INTU: variants seen among roughly 807,000 people sequenced by gnomAD.
INTU encodes the protein inturned planar cell polarity protein.
A neutral mutation model predicts 100.5 loss-of-function variants in INTU; 68 were observed. The observed-to-expected ratio is 0.68, with a 90% CI of 0.56 to 0.83. The LOEUF is 0.83. INTU is among the 40% of genes least tolerant of loss of function. The pLI, the probability that INTU is intolerant of heterozygous loss-of-function variation, is 0.00. For missense variants in INTU, 1,071 were observed against 1,114.7 expected (o/e 0.96, Z 0.56); for synonymous variants, 357 against 395.7 (o/e 0.90, Z 1.16).
At chr4:127,637,873 T>C (rs1018158341) in intron 1 of INTU, among the ~76,000 whole-genome samples, 3 of 152,210 alleles carry the variant, frequency 2.0e-5, no homozygotes, top group Non-Finnish European at 4.4e-5. Flanking sequence ...GTGTTCCTGA[T>C]GTAGAAATGT....
rs773905455 is a variant in INTU, at chr4:127,718,596, T to C, written c.*2160T>C. On this transcript the variant is annotated 3_prime_UTR_variant, in exon 16 of 16. Coordinates refer to ENST00000335251, the MANE Select transcript of INTU (RefSeq NM_015693.4). ...GGGCAGTATGGCTATTTTCATGATA[T>C]TGATTCTTACTGTCTGTGAGCATGG... 3.3e-5 allele frequency: 5 copies of C among 152,222 alleles called. No homozygotes were observed. The highest frequency in any genetic ancestry group is 6.5e-5 in the Admixed American group (1 of 15,276). 9.4% of individuals were successfully genotyped at this position (152,222 alleles called of 1,614,324 possible).
In INTU at chr4:127,720,553, G is replaced by A. The variant is rs1451594938; in HGVS notation, c.*4117G>A. 2 of 151,864 alleles carry A rather than the reference G, an allele frequency of 1.3e-5. No individual in the cohort carries two copies. Among genetic ancestry groups the A allele is most frequent in the Non-Finnish European group, 2.9e-5 (2 of 67,904 alleles). 9.4% of individuals were successfully genotyped at this position (151,864 alleles called of 1,614,324 possible). ...AATAACTTTGTTAATTTTCTGTCTCGATGATCTAATATTGACAGTGGGGTG... is the reference window on the plus strand; with the variant it reads ...AATAACTTTGTTAATTTTCTGTCTCAATGATCTAATATTGACAGTGGGGTG... On this transcript the variant is annotated 3_prime_UTR_variant, in exon 16 of 16. Transcript: ENST00000335251.
intron 3 of INTU, among the ~76,000 whole-genome samples, chr4:127,657,411 G>C (rs1450386098): frequency 6.6e-6 from 1 of 151,980 alleles, no homozygotes; most frequent in Non-Finnish European, 1.5e-5. Flanking sequence ...TCTCTTTTTG[G>C]GGGGATAGGG....
chr4:127,719,868 CTCTTT>C lies in INTU; in HGVS notation c.*3437_*3441del, dbSNP rs1731320677. 6.6e-6 allele frequency: 1 copy of C among 151,832 alleles called. No homozygotes were observed. The highest frequency in any genetic ancestry group is 6.6e-5 in the Admixed American group (1 of 15,242). 9.4% of individuals were successfully genotyped at this position (151,832 alleles called of 1,614,324 possible). ...TTTATTGTGTCTATTTGGTTCTTCT[CTCTTT>C]TCTTCTTTATTAGTCTAGCTAATAG... On this transcript the variant is annotated 3_prime_UTR_variant, in exon 16 of 16. Transcript: ENST00000335251.
rs1578647998 is a variant in INTU, at chr4:127,723,698, A to C, written c.*7262A>C. The stretch of plus-strand genomic sequence containing the variant: ...TAAAATACATTCAGCGGCTGGGCTT[A>C]GTGGCTCACGCCTGTAATCTCAACA... On this transcript the variant is annotated 3_prime_UTR_variant, in exon 16 of 16. Coordinates refer to ENST00000335251, the MANE Select transcript of INTU (RefSeq NM_015693.4). 6.6e-6 allele frequency: 1 copy of C among 152,026 alleles called. No individual in the cohort carries two copies. The highest frequency in any genetic ancestry group is 1.5e-5 in the Non-Finnish European group (1 of 68,006). 9.4% of individuals were successfully genotyped at this position (152,026 alleles called of 1,614,324 possible).
In INTU at chr4:127,659,406, G is replaced by A. The variant is rs903627414; in HGVS notation, c.768+2685G>A. Among the ~76,000 whole-genome samples the A allele has an allele frequency of 5.9e-5, 9 of 152,296 alleles. 1 individual carries two copies. In the South Asian group the frequency reaches 1.9e-3, roughly 32 times the overall value. Reference sequence around the variant, plus strand: ...AAATGAAGCAAATGTGACAAAATGTGAGCAATAGTGCCATTAGGTGTGGGA... The same window carrying A: ...AAATGAAGCAAATGTGACAAAATGTAAGCAATAGTGCCATTAGGTGTGGGA... On this transcript the variant is annotated intron_variant, in intron 3 of 15. Coordinates refer to ENST00000335251, the MANE Select transcript of INTU (RefSeq NM_015693.4).
At chr4:127,679,724 G>C (rs1383213454) in intron 6 of INTU, among the ~76,000 whole-genome samples, 1 of 151,812 alleles carries the variant, frequency 6.6e-6, no homozygotes, top group Non-Finnish European at 1.5e-5. Flanking sequence ...ACATTCAAAA[G>C]CTAGCAGAAG....
At chr4:127,651,536 C>T (rs971458453) in intron 2 of INTU, among the ~76,000 whole-genome samples, 80 of 152,118 alleles carry the variant, frequency 5.3e-4, no homozygotes, top group Middle Eastern at 3.4e-3. Flanking sequence ...TGTAGATAAG[C>T]GGCGTTATTT....
intron 5 of INTU, among the ~76,000 whole-genome samples, chr4:127,672,821 A>C (rs558178724): frequency 2.0e-5 from 3 of 152,302 alleles, no homozygotes; most frequent in South Asian, 2.1e-4. Flanking sequence ...CCACACACTT[A>C]AGTTCTCTTT....
At chr4:127,647,509 G>A (rs538410906) in intron 2 of INTU, among the ~76,000 whole-genome samples, 1 of 152,144 alleles carries the variant, frequency 6.6e-6, no homozygotes, top group African/African-American at 2.4e-5. Context: ...TTTACCTGAC[G>A]ATCATTCGGA....
intron 12 of INTU, among the ~76,000 whole-genome samples, chr4:127,707,738 A>G (rs1172131948): frequency 6.6e-6 from 1 of 152,120 alleles, no homozygotes; most frequent in Non-Finnish European, 1.5e-5. Flanking sequence ...TTAAAAGTTG[A>G]CTCTAAAGAG....
At chr4:127,640,303 G>T (rs1011444073) in intron 1 of INTU, among the ~76,000 whole-genome samples, 1 of 151,718 alleles carries the variant, frequency 6.6e-6, no homozygotes, top group Non-Finnish European at 1.5e-5. Context: ...TTTGAACTCA[G>T]CTCTTCATGA....
intron 8 of INTU, among the ~76,000 whole-genome samples, chr4:127,690,166 T>G (rs1458213843): frequency 6.6e-6 from 1 of 152,238 alleles, no homozygotes; most frequent in African/African-American, 2.4e-5. Context: ...TATTTGGGGC[T>G]TACAGATTCC....
rs1481362532 is a variant in INTU at position 127,723,812 on chromosome 4, A to C, written c.*7376A>C. 6.6e-6 allele frequency: 1 copy of C among 151,824 alleles called. No individual in the cohort carries two copies. The highest frequency in any genetic ancestry group is 1.5e-5 in the Non-Finnish European group (1 of 67,998). The allele number at this position is 151,824 out of a possible 1,614,324, so 9.4% of individuals were successfully genotyped here. A position where few individuals can be genotyped will look rare whatever the true frequency, so the allele number is the denominator to read the frequency against. On this transcript the variant is annotated 3_prime_UTR_variant, in exon 16 of 16. Transcript: ENST00000335251. ...TAGCAAAAACTCCATCTCTACAAAA[A>C]CACCAAAATTAGCCGGGTGTGGTAG...
intron 2 of INTU, among the ~76,000 whole-genome samples, chr4:127,653,750 G>A (rs1173717998): frequency 6.6e-6 from 1 of 151,164 alleles, no homozygotes; most frequent in Non-Finnish European, 1.5e-5. Flanking sequence ...ACTTGGTGCA[G>A]AGCTGAGTTC....
At position 127,643,920 on chromosome 4, in the gene INTU, G is replaced by A; in HGVS notation, c.546G>A (p.Leu182=). The change falls in exon 2 of 16, where the codon CTG becomes CTA. Residue 182 remains leucine (L), a synonymous_variant. Coordinates refer to ENST00000335251, the MANE Select transcript of INTU (RefSeq NM_015693.4). ...VIKAKEQLKL[L]EVLVGIIHQT... Reference sequence around the variant, plus strand: ...AAGCCAAAGAGCAGCTCAAGCTTCTGGAAGTGCTGGTTGGAATTATTCATC... The same window carrying A: ...AAGCCAAAGAGCAGCTCAAGCTTCTAGAAGTGCTGGTTGGAATTATTCATC... 6.2e-7 allele frequency: 1 copy of A among 1,614,150 alleles called. No individual in the cohort carries two copies. The highest frequency in any genetic ancestry group is 8.5e-7 in the Non-Finnish European group (1 of 1,180,014).
At chr4:127,684,293 T>C in intron 6 of INTU, 116 bp from the exon 7 acceptor site, 2 of 636,032 alleles carry the variant, frequency 3.1e-6, no homozygotes, top group Non-Finnish European at 5.5e-6. Context: ...TTACTCAGAG[T>C]TGACACACAT....
chr4:127,652,468 A>C, intron 2 of INTU, among the ~76,000 whole-genome samples: 1 of 91,744 alleles, frequency 1.1e-5, no homozygotes. Context: ...TTCTGCATCT[A>C]TTGAGATAAT....
chr4:127,707,392 C>CAAAAAA (rs71587331), intron 12 of INTU, among the ~76,000 whole-genome samples: 4 of 44,582 alleles, frequency 9.0e-5, no homozygotes, highest in African/African-American at 1.9e-4. Context: ...GACTCTGTCT[C>CAAAAAA]AAAAAAAAAA....
Sources: gnomAD v4.1 joint callset for allele counts (sites outside exome capture counted in the v4.1 genomes callset) on GRCh38, gnomAD v4.1.1 for gene constraint, MANE v1.5 for transcripts, NCBI Gene and HGNC (gene_info 2026-07-23, HGNC 2026-07-21) for gene names.